Variants in ETFBKMT observed in about 807,000 individuals in gnomAD.
ETFBKMT encodes electron transfer flavoprotein beta subunit lysine methyltransferase.
In ETFBKMT, 13 loss-of-function variants were observed where a neutral mutation model predicts 18.3. The ratio of observed to expected loss-of-function variants is 0.71; its 90% CI spans 0.46 to 1.13. The LOEUF (loss-of-function observed/expected upper bound fraction) is 1.13. Ranked by LOEUF, ETFBKMT falls within the 50% of genes most tolerant of loss-of-function variation. The pLI is 0.00. For missense variants in ETFBKMT, 293 were observed against 306.2 expected, an observed-to-expected ratio of 0.96 and a Z score of 0.32; for synonymous variants, 84 against 107.9, an observed-to-expected ratio of 0.78 and a Z score of 1.37.
chr12:31,648,557 C>CTTTTTTTTTTTTTTTTTTT (rs764501978), intron 1 of ETFBKMT, among the ~76,000 whole-genome samples: 1 of 82,988 alleles, frequency 1.2e-5, no homozygotes, highest in Non-Finnish European at 2.1e-5. Context: ...AGATGGGTTT[C>CTTTTTTTTTTTTTTTTTTT]TTTTTTTTTT....
intron 1 of ETFBKMT, among the ~76,000 whole-genome samples, chr12:31,650,853 T>C (rs1951011163): frequency 6.6e-6 from 1 of 152,164 alleles, no homozygotes; most frequent in Non-Finnish European, 1.5e-5. Context: ...GGACAGGGTC[T>C]ATGCAAACCT....
chr12:31,657,404 T>C (rs1314911123), upstream of ETFBKMT, among the ~76,000 whole-genome samples: 1 of 152,196 alleles, frequency 6.6e-6, no homozygotes, highest in Non-Finnish European at 1.5e-5. Context: ...CATATATCCC[T>C]GTTTTTCATG....
rs1752220818 is a variant in ETFBKMT at position 31,672,113 on chromosome 12, A to G, written c.*4123A>G. The stretch of plus-strand genomic sequence containing the variant: ...ACAGATATAGAATAATAGCACTTTA[A>G]AGATGTTTAAGAGTAAAGCACAAAC... On this transcript the variant is annotated 3_prime_UTR_variant, in exon 4 of 4. Transcript: ENST00000357721. 2.0e-6 allele frequency: 1 copy of G among 509,722 alleles called. No individual in the cohort carries two copies. Among genetic ancestry groups the G allele is most frequent in the Admixed American group, 3.4e-5 (1 of 29,672 alleles). The allele number at this position is 509,722 out of a possible 1,614,324, so 31.6% of individuals were successfully genotyped here.
chr12:31,655,327 A>C (rs73303816), upstream of ETFBKMT, among the ~76,000 whole-genome samples: 2,018 of 152,308 alleles, frequency 0.013, 49 homozygotes, highest in African/African-American at 0.046. Flanking sequence ...AAAAGGTCTC[A>C]GGCATTTCCA....
chr12:31,666,778 G>A (rs1315584581), intron 3 of ETFBKMT, among the ~76,000 whole-genome samples: 1 of 151,464 alleles, frequency 6.6e-6, no homozygotes, highest in Non-Finnish European at 1.5e-5. Flanking sequence ...AGCCTCCTGA[G>A]TAGCTGGGAC....
chr12:31,662,126 C>G lies in ETFBKMT; in HGVS notation c.173C>G (p.Thr58Ser). The part of the protein sequence containing the change: ...KAFLEENTEV[T>S]SSGSLTPEIQ... ...TTCCTGGAGGAGAACACTGAAGTCA[C>G]CAGCAGTGGTAGCCTCACCCCTGAA... Residue 58 changes from threonine (T) to serine (S), a missense_variant, in exon 2 of 4, where the codon ACC becomes AGC. By Grantham distance (58) the Thr-to-Ser change is moderately conservative. Transcript: ENST00000357721. The G allele has an allele frequency of 6.2e-7, 1 of 1,614,218 alleles. No individual in the cohort carries two copies. The highest frequency in any genetic ancestry group is 8.5e-7 in the Non-Finnish European group (1 of 1,180,038).
At chr12:31,654,732 G>A (rs115162687), upstream of ETFBKMT, among the ~76,000 whole-genome samples, 1,814 of 152,242 alleles carry the variant, frequency 0.012, 33 homozygotes, top group African/African-American at 0.041. Context: ...AATCTGTAGC[G>A]ACAGAAAGCC....
upstream of ETFBKMT, among the ~76,000 whole-genome samples, chr12:31,656,186 G>A (rs570297270): frequency 9.7e-4 from 148 of 152,244 alleles, 1 homozygote; most frequent in Non-Finnish European, 5.6e-4. Flanking sequence ...CCCATAGGAA[G>A]CTAAGAAAAT....
chr12:31,657,954 C>T (rs1311140200), upstream of ETFBKMT, among the ~76,000 whole-genome samples: 1 of 152,092 alleles, frequency 6.6e-6, no homozygotes, highest in African/African-American at 2.4e-5. Flanking sequence ...ACAGGAAAGG[C>T]ATGTTGCAGT....
chr12:31,657,791 C>CAAAAAAAAA (rs777612236), upstream of ETFBKMT, among the ~76,000 whole-genome samples: 1 of 46,330 alleles, frequency 2.2e-5, no homozygotes, highest in East Asian at 4.8e-4. Flanking sequence ...GACTTCATCT[C>CAAAAAAAAA]AAAAAAAAAA....
At chr12:31,659,504 C>G (rs1041583537), upstream of ETFBKMT, 1 of 152,248 alleles carries the variant, frequency 6.6e-6, no homozygotes, top group Non-Finnish European at 1.5e-5. Context: ...AGAGAAATAC[C>G]AAGTGGTCAC....
In ETFBKMT at chr12:31,650,642, T is replaced by TTTTTTTTTTTTTA. The variant is rs1555182738; in HGVS notation, c.-114+3387_-114+3388insTTTTTTTTTTTTA. ...ATGACCTGACCTTTTTTTTTTTTTT[T>TTTTTTTTTTTTTA]AAAGAATCACTCTGGCTTTTCTGTT... On this transcript the variant is annotated intron_variant, in intron 1 of 3. Coordinates refer to the ETFBKMT transcript ENST00000412352. Among the ~76,000 whole-genome samples the TTTTTTTTTTTTTA allele has an allele frequency of 2.5e-3, 379 of 150,702 alleles. 2 individuals carry two copies. Among genetic ancestry groups the TTTTTTTTTTTTTA allele is most frequent in the Middle Eastern group, 0.01 (3 of 294 alleles).
In ETFBKMT at chr12:31,666,817, A is replaced by AT. The variant is rs1215263554; in HGVS notation, c.445+613dup. Among the ~76,000 whole-genome samples, 492 of 140,162 alleles carry AT rather than the reference A, an allele frequency of 3.5e-3. 2 individuals carry two copies. The highest frequency in any genetic ancestry group is 0.023 in the East Asian group (112 of 4,814). 92.0% of individuals were successfully genotyped at this position (140,162 alleles called of 152,430 possible). A position where few individuals can be genotyped will look rare whatever the true frequency, so the allele number is the denominator to read the frequency against. On this transcript the variant is annotated intron_variant, in intron 3 of 3. Coordinates refer to ENST00000357721, the MANE Select transcript of ETFBKMT (RefSeq NM_001135863.2). ...AGGTGCCTGCCACCATGCCTGGCTA[A>AT]TTTTTTTTTTTTTGCATTTTTAGTA...
chr12:31,652,411 C>T (rs1951025892), intron 1 of ETFBKMT, among the ~76,000 whole-genome samples: 1 of 152,206 alleles, frequency 6.6e-6, no homozygotes, highest in Admixed American at 6.5e-5. Flanking sequence ...CCGCAATTTA[C>T]TGCCCCTAGT....
rs111525919 is a variant in ETFBKMT at position 31,653,617 on chromosome 12, A to C, written c.-114+6362A>C. On this transcript the variant is annotated intron_variant, in intron 1 of 3. Coordinates refer to the ETFBKMT transcript ENST00000412352. ...TAGAGAGAAGCTAGAAGGAAGCTGA[A>C]GCTCCAGAAAACCCAAAACTACAAA... 9.8e-4 allele frequency among the ~76,000 whole-genome samples: 150 copies of C among 152,344 alleles called. 1 individual carries two copies. Among genetic ancestry groups the C allele is most frequent in the African/African-American group, 3.2e-3 (133 of 41,586 alleles).
Position 31,672,086 on chromosome 12 carries a change from C to T in ETFBKMT, c.*4096C>T, listed in dbSNP as rs1457721173. 14 of 433,558 alleles carry T rather than the reference C, an allele frequency of 3.2e-5. No individual in the cohort carries two copies. The Admixed American group carries it at 4.9e-4, about 15-fold the overall frequency. 26.9% of individuals were successfully genotyped at this position (433,558 alleles called of 1,614,324 possible). ...ATCATTTCAAAAATAATGACTCATCCAACAGATATAGAATAATAGCACTTT... is the reference window on the plus strand; with the variant it reads ...ATCATTTCAAAAATAATGACTCATCTAACAGATATAGAATAATAGCACTTT... On this transcript the variant is annotated 3_prime_UTR_variant, in exon 4 of 4. Coordinates refer to ENST00000357721, the MANE Select transcript of ETFBKMT (RefSeq NM_001135863.2).
chr12:31,663,004 C>A (rs1951146158), intron 2 of ETFBKMT, among the ~76,000 whole-genome samples: 1 of 151,998 alleles, frequency 6.6e-6, no homozygotes, highest in Non-Finnish European at 1.5e-5. Context: ...AATCCCAGTG[C>A]TTTAGGAAGC....
At chr12:31,655,759 C>T (rs1052460559), upstream of ETFBKMT, among the ~76,000 whole-genome samples, 14 of 152,242 alleles carry the variant, frequency 9.2e-5, no homozygotes, top group African/African-American at 2.9e-4. Context: ...GTGTAAATAC[C>T]GAGTCTCCTG....
At chr12:31,666,321 G>A in intron 3 of ETFBKMT, 104 bp downstream of exon 3, 2 of 1,234,686 alleles carry the variant, frequency 1.6e-6, no homozygotes, top group Non-Finnish European at 2.2e-6. Context: ...TATGTATTTT[G>A]TGATTGGACA....
Sources: allele counts gnomAD v4.1 joint callset (sites outside exome capture counted in the v4.1 genomes callset), GRCh38; gene constraint gnomAD v4.1.1; transcripts MANE v1.5; gene names NCBI Gene and HGNC (gene_info 2026-07-23, HGNC 2026-07-21).